The following LINGO2 variants were observed in gnomAD, a reference collection of about 807,000 sequenced individuals.
LINGO2 encodes the protein leucine rich repeat and Ig domain containing 2.
A neutral mutation model predicts 30.6 loss-of-function variants in LINGO2; 14 were observed. The ratio of observed to expected loss-of-function variants is 0.46; its 90% CI spans 0.30 to 0.72. The LOEUF is 0.72. Among genes scored for constraint, LINGO2 ranks in the 30% least tolerant of loss-of-function variants. LINGO2 has a pLI of 0.07. For missense variants in LINGO2, 729 were observed against 751.7 expected, an observed-to-expected ratio of 0.97 and a Z score of 0.35; for synonymous variants, 317 against 288.5, an observed-to-expected ratio of 1.10 and a Z score of -1.00.
the LINGO2 span, among the ~76,000 whole-genome samples, chr9:29,144,350 G>A: frequency 6.6e-6 from 1 of 152,002 alleles, no homozygotes; most frequent in South Asian, 2.1e-4. Context: ...ATTGCTTTGG[G>A]CAGGATGGTG....
intron 3 of LINGO2, among the ~76,000 whole-genome samples, chr9:28,326,672 A>G (rs1339022751): frequency 6.6e-6 from 1 of 152,208 alleles, no homozygotes; most frequent in East Asian, 1.9e-4. Context: ...GTGCTCTAAG[A>G]CATGGTATAT....
At chr9:29,041,993 A>G in the LINGO2 span, among the ~76,000 whole-genome samples, 2 of 152,040 alleles carry the variant, frequency 1.3e-5, no homozygotes, top group African/African-American at 2.4e-5. Flanking sequence ...AGACATGAAC[A>G]TATATTTTAC....
chr9:28,118,120 C>G (rs1826987803), intron 4 of LINGO2, among the ~76,000 whole-genome samples: 1 of 152,040 alleles, frequency 6.6e-6, no homozygotes, highest in African/African-American at 2.4e-5. Context: ...GAAAGAATAG[C>G]TAACACATGC....
At chr9:28,861,766 C>G in the LINGO2 span, among the ~76,000 whole-genome samples, 67 of 151,324 alleles carry the variant, frequency 4.4e-4, no homozygotes, top group Middle Eastern at 3.4e-3. Context: ...TGTCTCTTAC[C>G]AAAAAACACA....
At chr9:28,460,152 A>G (rs1425871802) in intron 2 of LINGO2, among the ~76,000 whole-genome samples, 2 of 152,162 alleles carry the variant, frequency 1.3e-5, no homozygotes, top group East Asian at 3.9e-4. Context: ...CACTGACAGT[A>G]TATCTGATTT....
chr9:28,357,504 A>C (rs868471466), intron 3 of LINGO2, among the ~76,000 whole-genome samples: 1 of 152,072 alleles, frequency 6.6e-6, no homozygotes, highest in African/African-American at 2.4e-5. Context: ...CCCAAAATAC[A>C]ATCCTAAATT....
chr9:28,794,133 G>A, the LINGO2 span, among the ~76,000 whole-genome samples: 2 of 152,148 alleles, frequency 1.3e-5, no homozygotes, highest in Non-Finnish European at 2.9e-5. Flanking sequence ...GTGAAACCCC[G>A]TCTGTACTAA....
the LINGO2 span, among the ~76,000 whole-genome samples, chr9:28,865,052 A>G: frequency 1.3e-5 from 2 of 152,184 alleles, no homozygotes; most frequent in Non-Finnish European, 2.9e-5. Context: ...TACCATATAT[A>G]AGAGAACTGA....
At chr9:27,990,470 C>G (rs74306512) in intron 5 of LINGO2, among the ~76,000 whole-genome samples, 105 of 146,958 alleles carry the variant, frequency 7.1e-4, no homozygotes, top group East Asian at 2.0e-3. Flanking sequence ...ATACCCCCCC[C>G]CCTTTTATTT....
exon 6 of LINGO2, chr9:27,950,094 G>A (rs1265499185): frequency 6.2e-7 from 1 of 1,613,882 alleles, no homozygotes; most frequent in African/African-American, 1.3e-5. Flanking sequence ...GGCTTCTGTT[G>A]GTACTGCTGT....
At chr9:28,043,658 C>T (rs776919981) in intron 4 of LINGO2, among the ~76,000 whole-genome samples, 2 of 152,080 alleles carry the variant, frequency 1.3e-5, no homozygotes, top group Admixed American at 1.3e-4. Flanking sequence ...TACCCATCAC[C>T]CAGTTTCAAC....
chr9:28,517,644 G>A (rs1053945575), intron 1 of LINGO2, among the ~76,000 whole-genome samples: 5 of 152,178 alleles, frequency 3.3e-5, no homozygotes, highest in African/African-American at 1.2e-4. Context: ...ATCTAGAGTT[G>A]AGGAGGTACA....
At chr9:28,761,194 G>C in the LINGO2 span, among the ~76,000 whole-genome samples, 1 of 151,848 alleles carries the variant, frequency 6.6e-6, no homozygotes, top group Non-Finnish European at 1.5e-5. Context: ...AAAAGGATAA[G>C]TTAATCCTAG....
At chr9:28,252,791 G>GT (rs1307264888) in intron 4 of LINGO2, among the ~76,000 whole-genome samples, 1 of 152,148 alleles carries the variant, frequency 6.6e-6, no homozygotes, top group East Asian at 1.9e-4. Flanking sequence ...TACACAGTGA[G>GT]TAGTAATAGT....
intron 2 of LINGO2, among the ~76,000 whole-genome samples, chr9:28,437,974 A>G (rs1392140698): frequency 1.3e-5 from 2 of 152,196 alleles, no homozygotes; most frequent in Non-Finnish European, 2.9e-5. Context: ...TTTTCATACA[A>G]TAATTATCAA....
Position 28,104,255 on chromosome 9 carries a change from G to GT in LINGO2, c.-86-91851dup, listed in dbSNP as rs1453019033. Among the ~76,000 whole-genome samples, 132 of 75,062 alleles carry GT rather than the reference G, an allele frequency of 1.8e-3. 1 individual carries two copies. Among genetic ancestry groups the GT allele is most frequent in the East Asian group, 3.6e-3 (7 of 1,948 alleles). 49.2% of individuals were successfully genotyped at this position (75,062 alleles called of 152,430 possible). On this transcript the variant is annotated intron_variant, in intron 4 of 5. Coordinates refer to ENST00000379992, the Ensembl canonical transcript of LINGO2. ...AGGGATTTGCTTTTCCCCAGTACAA[G>GT]TTTTTTGTTTGTTTTTTTTTTTTTT...
chr9:29,202,847 C>A, the LINGO2 span, among the ~76,000 whole-genome samples: 2 of 152,144 alleles, frequency 1.3e-5, no homozygotes, highest in East Asian at 1.9e-4. Flanking sequence ...CCAGGTCCAA[C>A]AGAACAATCA....
chr9:28,793,811 G>C, the LINGO2 span, among the ~76,000 whole-genome samples: 1 of 152,160 alleles, frequency 6.6e-6, no homozygotes. Flanking sequence ...CCACCTCCCA[G>C]ATCTGGTAAT....
chr9:28,627,229 C>CA (rs1826722216), intron 1 of LINGO2, among the ~76,000 whole-genome samples: 1 of 151,998 alleles, frequency 6.6e-6, no homozygotes, highest in Non-Finnish European at 1.5e-5. Flanking sequence ...TTATGAAGGT[C>CA]TCTCTATTCT....
Sources: allele counts gnomAD v4.1 joint callset (sites outside exome capture counted in the v4.1 genomes callset), GRCh38; gene constraint gnomAD v4.1.1; transcripts MANE v1.5; gene names NCBI Gene and HGNC (gene_info 2026-07-23, HGNC 2026-07-21).